The following PCDH15 variants were observed in gnomAD, a reference collection of about 807,000 sequenced individuals.
PCDH15 encodes protocadherin related 15, also known as protocadherin-15.
PCDH15 carries 129 observed loss-of-function variants against 178.5 expected under a neutral mutation model. The observed-to-expected ratio is 0.72, with a 90% CI of 0.63 to 0.84. The LOEUF is 0.84. Ranked by LOEUF, PCDH15 falls within the 40% of genes least tolerant of loss-of-function variation. The pLI, the probability that PCDH15 is intolerant of heterozygous loss-of-function variation, is 0.00. For missense variants in PCDH15, 2,230 were observed against 2,099.9 expected (o/e 1.06, Z -1.21); for synonymous variants, 800 against 732.0 (o/e 1.09, Z -1.50).
chr10:55,524,355 A>T (rs1441620624), intron 2 of PCDH15, among the ~76,000 whole-genome samples: 2 of 151,648 alleles, frequency 1.3e-5, no homozygotes, highest in Non-Finnish European at 3.0e-5. Flanking sequence ...ATAGTGCCAC[A>T]CTTCCAATAC....
intron 37 of PCDH15, chr10:53,808,780 T>G (rs1189133905): frequency 1.2e-6 from 2 of 1,612,250 alleles, no homozygotes; most frequent in Admixed American, 1.7e-5. Flanking sequence ...TGGTACCTGA[T>G]AGCCCCATGG....
intron 2 of PCDH15, among the ~76,000 whole-genome samples, chr10:55,132,898 TATAA>T (rs962371311): frequency 2.0e-5 from 3 of 152,324 alleles, no homozygotes; most frequent in Non-Finnish European, 2.9e-5. Flanking sequence ...GCTTTAAACT[TATAA>T]ATAAGTTCTT....
intron 3 of PCDH15, among the ~76,000 whole-genome samples, chr10:54,496,706 T>G (rs1406745406): frequency 6.6e-6 from 1 of 152,148 alleles, no homozygotes; most frequent in African/African-American, 2.4e-5. Flanking sequence ...TGATAGAAAT[T>G]TAAAACTTGA....
At chr10:54,158,744 G>T (rs1423389237) in intron 13 of PCDH15, among the ~76,000 whole-genome samples, 2 of 152,094 alleles carry the variant, frequency 1.3e-5, no homozygotes. Context: ...TAAACCATAT[G>T]CAAGAATATA....
At chr10:54,551,914 T>C (rs753721386) in intron 2 of PCDH15, among the ~76,000 whole-genome samples, 7 of 152,100 alleles carry the variant, frequency 4.6e-5, no homozygotes, top group Non-Finnish European at 8.8e-5. Context: ...AAACACATAT[T>C]ACATCTTATA....
At chr10:53,811,278 C>T (rs1424463889) in intron 36 of PCDH15, among the ~76,000 whole-genome samples, 1 of 152,148 alleles carries the variant, frequency 6.6e-6, no homozygotes, top group Admixed American at 6.5e-5. Flanking sequence ...TGTTTCACAT[C>T]TATTTCCCAT....
intron 2 of PCDH15, among the ~76,000 whole-genome samples, chr10:54,644,581 CT>C (rs1358707870): frequency 6.6e-6 from 1 of 152,050 alleles, no homozygotes; most frequent in Non-Finnish European, 1.5e-5. Context: ...CTTCCAGTTA[CT>C]TGTCTTAGCA....
At chr10:54,626,681 G>C (rs532924346) in intron 2 of PCDH15, among the ~76,000 whole-genome samples, 1 of 152,284 alleles carries the variant, frequency 6.6e-6, no homozygotes, top group African/African-American at 2.4e-5. Context: ...ACCTCTCCTA[G>C]GGCAGTGCAG....
chr10:54,090,182 A>G (rs1188439480), intron 15 of PCDH15, 119 bp from the exon 16 acceptor site: 1 of 806,116 alleles, frequency 1.2e-6, no homozygotes, highest in Non-Finnish European at 2.1e-6. Context: ...TTAAAGAATA[A>G]AGATTAAAGC....
At chr10:54,055,130 A>T (rs1375452953) in intron 18 of PCDH15, among the ~76,000 whole-genome samples, 1 of 152,162 alleles carries the variant, frequency 6.6e-6, no homozygotes, top group Non-Finnish European at 1.5e-5. Flanking sequence ...TGACTGTATC[A>T]CTACCCTTCC....
chr10:54,329,827 T>A, intron 6 of PCDH15, 121 bp from the exon 7 acceptor site: 1 of 746,328 alleles, frequency 1.3e-6, no homozygotes, highest in Non-Finnish European at 2.4e-6. Context: ...GAAAATAGAA[T>A]GACTATAAGC....
At chr10:55,334,131 T>A (rs563079064) in intron 2 of PCDH15, among the ~76,000 whole-genome samples, 2 of 149,768 alleles carry the variant, frequency 1.3e-5, no homozygotes, top group Non-Finnish European at 3.0e-5. Flanking sequence ...TGTGCACATA[T>A]GTAGCAGTTG....
At chr10:55,210,870 C>G (rs764993744) in intron 1 of PCDH15, among the ~76,000 whole-genome samples, 32 of 151,780 alleles carry the variant, frequency 2.1e-4, no homozygotes, top group Non-Finnish European at 3.4e-4. Flanking sequence ...TCGTGATACG[C>G]CCGCCTCGGC....
chr10:53,858,440 C>G (rs1450257231), intron 27 of PCDH15, among the ~76,000 whole-genome samples: 2 of 152,114 alleles, frequency 1.3e-5, no homozygotes, highest in Non-Finnish European at 2.9e-5. Flanking sequence ...GAGCACATAA[C>G]TCTGCTGAAG....
chr10:55,011,389 C>T (rs1457885892), intron 2 of PCDH15, among the ~76,000 whole-genome samples: 1 of 151,998 alleles, frequency 6.6e-6, no homozygotes, highest in Non-Finnish European at 1.5e-5. Context: ...ATATGGAAGA[C>T]ATTTATAATG....
chr10:54,080,750 A>T (rs572934532), intron 16 of PCDH15, among the ~76,000 whole-genome samples: 1 of 152,194 alleles, frequency 6.6e-6, no homozygotes, highest in African/African-American at 2.4e-5. Flanking sequence ...CTTCCTGTAC[A>T]TTTTAAAAAT....
intron 3 of PCDH15, among the ~76,000 whole-genome samples, chr10:54,415,290 GGTTA>G (rs1176549298): frequency 2.6e-5 from 4 of 151,714 alleles, no homozygotes; most frequent in African/African-American, 9.7e-5. Context: ...TAATTACAAA[GGTTA>G]GTATTACTAT....
intron 16 of PCDH15, 58 bp from the exon 17 acceptor site, chr10:54,079,482 G>A: frequency 1.4e-6 from 2 of 1,471,738 alleles, no homozygotes; most frequent in Non-Finnish European, 1.9e-6. Context: ...CACAAGGAGA[G>A]TCTTCTTAGT....
chr10:55,076,959 G>A (rs558345477), intron 2 of PCDH15, among the ~76,000 whole-genome samples: 3 of 151,648 alleles, frequency 2.0e-5, no homozygotes, highest in African/African-American at 7.3e-5. Context: ...AGTAAAAACG[G>A]GGTTTTGCCA....
Sources: allele counts gnomAD v4.1 joint callset (sites outside exome capture counted in the v4.1 genomes callset), GRCh38; gene constraint gnomAD v4.1.1; transcripts MANE v1.5; gene names NCBI Gene and HGNC (gene_info 2026-07-23, HGNC 2026-07-21).